Variants in MPP7 observed in about 807,000 individuals in gnomAD.
MPP7 encodes the protein MAGUK p55 subfamily member 7.
MPP7 carries 60 observed loss-of-function variants against 76.5 expected under a neutral mutation model. That is an observed-to-expected ratio of 0.78 (90% CI 0.64 to 0.97). MPP7 has a LOEUF of 0.97. MPP7 is among the 50% of genes least tolerant of loss of function. The pLI is 0.00. For missense variants in MPP7, 641 were observed against 694.0 expected (o/e 0.92, Z 0.86); for synonymous variants, 237 against 244.5 (o/e 0.97, Z 0.29).
At chr10:28,253,321 A>AG (rs1839676809) in intron 1 of MPP7, among the ~76,000 whole-genome samples, 1 of 152,108 alleles carries the variant, frequency 6.6e-6, no homozygotes, top group African/African-American at 2.4e-5. Flanking sequence ...TGAGCTGGGG[A>AG]GTTTAAGACT....
intron 3 of MPP7, among the ~76,000 whole-genome samples, chr10:28,189,563 C>T (rs11006914): frequency 0.34 from 37,200 of 108,994 alleles, 7,644 homozygotes; most frequent in African/African-American, 0.6. Context: ...AGAGCAAGAC[C>T]CTGTCTCAAA....
intron 1 of MPP7, among the ~76,000 whole-genome samples, chr10:28,283,290 C>T (rs1436508868): frequency 1.3e-5 from 2 of 152,006 alleles, no homozygotes; most frequent in East Asian, 1.9e-4. Context: ...TGAATCCTGG[C>T]TCTACCAGTT....
intron 3 of MPP7, among the ~76,000 whole-genome samples, chr10:28,199,413 A>T (rs1166810611): frequency 6.6e-6 from 1 of 152,126 alleles, no homozygotes; most frequent in Non-Finnish European, 1.5e-5. Flanking sequence ...TCCTCAGCTA[A>T]CACCCTAGAG....
intron 1 of MPP7, among the ~76,000 whole-genome samples, chr10:28,270,120 G>C (rs1050257255): frequency 2.0e-5 from 3 of 152,218 alleles, no homozygotes; most frequent in Admixed American, 2.0e-4. Flanking sequence ...AATGCCACGA[G>C]ACTAAGATGG....
intron 3 of MPP7, among the ~76,000 whole-genome samples, chr10:28,181,134 A>G (rs1217814433): frequency 6.6e-6 from 1 of 152,206 alleles, no homozygotes; most frequent in African/African-American, 2.4e-5. Context: ...ATTTACATTA[A>G]TGTCTTATAG....
At chr10:28,334,355 G>A (rs1399224189) in intron 1 of MPP7, 2 of 152,128 alleles carry the variant, frequency 1.3e-5, no homozygotes, top group East Asian at 1.9e-4. Flanking sequence ...TAAGAATAAC[G>A]TGATCTGGAC....
chr10:28,224,461 G>T (rs1250312851), intron 2 of MPP7, among the ~76,000 whole-genome samples: 1 of 151,870 alleles, frequency 6.6e-6, no homozygotes, highest in East Asian at 1.9e-4. Context: ...GTCACAAAAT[G>T]TTGTGAGCAA....
At chr10:28,311,363 G>A (rs964890127) in intron 2 of MPP7, among the ~76,000 whole-genome samples, 3 of 152,072 alleles carry the variant, frequency 2.0e-5, no homozygotes, top group African/African-American at 4.8e-5. Flanking sequence ...GATTGCTAGC[G>A]ACCTCATGAA....
At chr10:28,248,901 C>G (rs12573451) in intron 1 of MPP7, among the ~76,000 whole-genome samples, 7,988 of 152,124 alleles carry the variant, frequency 0.053, 557 homozygotes, top group East Asian at 0.31. Context: ...CCACAAGGAC[C>G]AAGTCGCCTA....
At chr10:28,093,555 T>C (rs1227658179) in intron 11 of MPP7, among the ~76,000 whole-genome samples, 2 of 151,560 alleles carry the variant, frequency 1.3e-5, no homozygotes, top group Non-Finnish European at 2.9e-5. Context: ...CAAGCGATTC[T>C]CATGCCTCAG....
chr10:28,210,206 C>T (rs1470395572), intron 2 of MPP7, among the ~76,000 whole-genome samples: 5 of 152,174 alleles, frequency 3.3e-5, no homozygotes, highest in Admixed American at 6.5e-5. Flanking sequence ...ACTTCTCGAC[C>T]TCCATAATCA....
chr10:28,296,503 G>A (rs750045613), intron 1 of MPP7, among the ~76,000 whole-genome samples: 7 of 152,166 alleles, frequency 4.6e-5, no homozygotes, highest in Non-Finnish European at 7.3e-5. Flanking sequence ...CTTGCAAAAT[G>A]CAGTCGTACC....
chr10:28,054,275 G>GT, intron 16 of MPP7, 31 bp from the exon 17 acceptor site: 5 of 1,373,430 alleles, frequency 3.6e-6, no homozygotes, highest in Non-Finnish European at 5.0e-6. Flanking sequence ...AAAATAATTG[G>GT]TTAACCAGGC....
At chr10:28,170,625 GTAT>G (rs762965202) in intron 3 of MPP7, among the ~76,000 whole-genome samples, 2 of 150,302 alleles carry the variant, frequency 1.3e-5, no homozygotes, top group South Asian at 2.1e-4. Context: ...AATTATACAT[GTAT>G]TATTATTATA....
chr10:28,150,275 T>C (rs1418739384), intron 3 of MPP7, among the ~76,000 whole-genome samples: 2 of 152,188 alleles, frequency 1.3e-5, no homozygotes, highest in Non-Finnish European at 2.9e-5. Flanking sequence ...TGGCCCAGTG[T>C]TTACAACATG....
chr10:28,334,930 G>T (rs1834502467), upstream of MPP7, among the ~76,000 whole-genome samples: 2 of 152,176 alleles, frequency 1.3e-5, no homozygotes, highest in Admixed American at 1.3e-4. Flanking sequence ...ACACGTTTTT[G>T]AATCTCAGTT....
chr10:28,151,693 C>T lies in MPP7; in HGVS notation c.157-1634G>A, dbSNP rs1344764615. Among the ~76,000 whole-genome samples the T allele has an allele frequency of 7.2e-5, 11 of 152,222 alleles. No homozygotes were observed. In the South Asian group the frequency reaches 1.2e-3, roughly 17 times the overall value. On this transcript the variant is annotated intron_variant, in intron 3 of 16. Transcript: ENST00000683449. ...CACAAGAAAATAAAGAGGTAGACAG[C>T]GGGACCATCTCATTTTACAGATAAA... is the stretch of plus-strand genomic sequence containing the variant.
chr10:28,258,733 T>C (rs1190302712), intron 1 of MPP7, among the ~76,000 whole-genome samples: 1 of 152,080 alleles, frequency 6.6e-6, no homozygotes, highest in Non-Finnish European at 1.5e-5. Flanking sequence ...TATTACATTT[T>C]ACTCCTATTA....
chr10:28,302,758 G>C (rs1043073035), intron 1 of MPP7, among the ~76,000 whole-genome samples, 103 bp downstream of exon 1: 11 of 151,218 alleles, frequency 7.3e-5, no homozygotes, highest in Admixed American at 3.3e-4. Flanking sequence ...CCGCGGCACC[G>C]CTCGGCCCGG....
Sources: allele counts gnomAD v4.1 joint callset (sites outside exome capture counted in the v4.1 genomes callset), GRCh38; gene constraint gnomAD v4.1.1; transcripts MANE v1.5; gene names NCBI Gene and HGNC (gene_info 2026-07-23, HGNC 2026-07-21).